Variants in FGF8 observed in about 807,000 individuals in gnomAD.
The protein encoded by FGF8 is androgen-induced growth factor.
FGF8 carries 12 observed loss-of-function variants against 29.7 expected under a neutral mutation model. That is an observed-to-expected ratio of 0.40 (90% confidence interval 0.26 to 0.65). The LOEUF is 0.65. Among genes scored for constraint, FGF8 ranks in the 30% least tolerant of loss-of-function variants. The pLI is 0.37. For missense variants in FGF8, 271 were observed against 345.1 expected (o/e 0.79, Z 1.70); for synonymous variants, 157 against 144.4 (o/e 1.09, Z -0.63).
chr10:101,770,660 C>A (rs751900989), intron 5 of FGF8, 41 bp from the exon 6 acceptor site: 1 of 1,600,172 alleles, frequency 6.2e-7, no homozygotes, highest in Non-Finnish European at 8.5e-7. Context: ...CAGAGCCCCC[C>A]CAGCAGAGGC....
At position 101,770,431 on chromosome 10, in the gene FGF8, G is replaced by A; in HGVS notation, c.633C>T (p.His211=). 1 of 1,609,370 alleles carries A rather than the reference G, an allele frequency of 6.2e-7. No individual in the cohort carries two copies. Among genetic ancestry groups the A allele is most frequent in the Non-Finnish European group, 8.5e-7 (1 of 1,178,114 alleles). Residue 211 remains histidine, a synonymous_variant, in exon 6 of 6, where the codon CAC becomes CAT. Coordinates refer to ENST00000320185, the MANE Select transcript of FGF8 (RefSeq NM_033163.5). ...VHFMKRLPRG[H]HTTEQSLRFE... ...AGCGCAGGCTCTGCTCGGTGGTGTG[G>A]TGGCCCCGGGGCAGCCGCTTCATGA...
chr10:101,778,828 G>T (rs186462836), upstream of FGF8, among the ~76,000 whole-genome samples: 325 of 152,100 alleles, frequency 2.1e-3, 1 homozygote, highest in African/African-American at 7.5e-3. Flanking sequence ...CCCGCCTCCC[G>T]GCCAGCTCCC....
Position 101,775,059 on chromosome 10 carries a change from C to T in FGF8, c.156+71G>A. 1 of 1,504,110 alleles carries T rather than the reference C, an allele frequency of 6.6e-7. No individual in the cohort carries two copies. The highest frequency in any genetic ancestry group is 9.1e-7 in the Non-Finnish European group (1 of 1,104,648). 93.2% of individuals were successfully genotyped at this position (1,504,110 alleles called of 1,614,324 possible). On this transcript the variant is annotated intron_variant, in intron 3 of 5. Transcript: ENST00000320185. This position sits in a 1 kb window ranked among gnomAD's most constrained non-coding sequence, Gnocchi z 4.6. ...CCCCCAACATGCCAGCCCAGGCCAC[C>T]ATCCCCCACCCACGCAAGTCGGGCA...
chr10:101,777,609 T>C (rs917186907), upstream of FGF8, among the ~76,000 whole-genome samples: 8 of 152,204 alleles, frequency 5.3e-5, no homozygotes, highest in Admixed American at 3.9e-4. Context: ...GAAGTAGACT[T>C]CCAGAGCACA....
chr10:101,775,444 T>G lies in FGF8; in HGVS notation c.70-228A>C. The G allele has an allele frequency of 1.7e-6, 1 of 602,398 alleles. No homozygotes were observed. Among genetic ancestry groups the G allele is most frequent in the Non-Finnish European group, 3.0e-6 (1 of 338,934 alleles). The allele number at this position is 602,398 out of a possible 1,614,324, so 37.3% of individuals were successfully genotyped here. On this transcript the variant is annotated intron_variant, in intron 2 of 5. Transcript: ENST00000320185. The surrounding 1 kb of genome is among the most constrained non-coding windows in gnomAD (Gnocchi z 4.6). ...CATCCCCTGGCCGCGGCTGCCCCCT[T>G]CCTCGGCGGCTGGGTGTTCCCTATG...
intron 4 of FGF8, among the ~76,000 whole-genome samples, chr10:101,773,818 C>T (rs2065054288): frequency 6.6e-6 from 1 of 152,192 alleles, no homozygotes; most frequent in South Asian, 2.1e-4. Flanking sequence ...TCTTGAACCT[C>T]TTTTTTAACA....
chr10:101,771,781 G>A lies in FGF8; in HGVS notation c.338-212C>T, dbSNP rs936806818. On this transcript the variant is annotated intron_variant, in intron 4 of 5. Coordinates refer to ENST00000320185, the MANE Select transcript of FGF8 (RefSeq NM_033163.5). This position sits in a 1 kb window ranked among gnomAD's most constrained non-coding sequence, Gnocchi z 5.3. ...CCTGGGTTTACAGAGGGCAGTGGAC[G>A]GGATTATGGTTTTCAAACTGGGTTC... 2.6e-5 allele frequency among the ~76,000 whole-genome samples: 4 copies of A among 152,208 alleles called. No individual in the cohort carries two copies. Among genetic ancestry groups the A allele is most frequent in the Admixed American group, 2.0e-4 (3 of 15,290 alleles).
At chr10:101,773,250 C>T (rs1032930159) in intron 4 of FGF8, among the ~76,000 whole-genome samples, 5 of 152,200 alleles carry the variant, frequency 3.3e-5, no homozygotes, top group African/African-American at 1.2e-4. Context: ...CCCACACCAG[C>T]TTGACTTCTG....
At position 101,775,074 on chromosome 10, in the gene FGF8, C is replaced by T; in HGVS notation, c.156+56G>A. On this transcript the variant is annotated intron_variant, in intron 3 of 5. Coordinates refer to ENST00000320185, the MANE Select transcript of FGF8 (RefSeq NM_033163.5). This position sits in a 1 kb window ranked among gnomAD's most constrained non-coding sequence, Gnocchi z 4.6. The stretch of plus-strand genomic sequence containing the variant: ...CCCAGGCCACCATCCCCCACCCACG[C>T]AAGTCGGGCAGACCCAGCCCAGGAT... 1 of 1,518,998 alleles carries T rather than the reference C, an allele frequency of 6.6e-7. No homozygotes were observed. Among genetic ancestry groups the T allele is most frequent in the Non-Finnish European group, 8.9e-7 (1 of 1,119,266 alleles). 94.1% of individuals were successfully genotyped at this position (1,518,998 alleles called of 1,614,324 possible).
rs3218237 is a variant in FGF8, at chr10:101,771,061, C to T, written c.444+402G>A. Among the ~76,000 whole-genome samples the T allele has an allele frequency of 3.9e-5, 6 of 152,056 alleles. No individual in the cohort carries two copies. The highest frequency in any genetic ancestry group is 1.3e-4 in the Admixed American group (2 of 15,280). On this transcript the variant is annotated intron_variant, in intron 5 of 5. Transcript: ENST00000320185. The surrounding 1 kb of genome is among the most constrained non-coding windows in gnomAD (Gnocchi z 5.3). ...CCAGAAGCCCAGGAAGTGGGGAGCT[C>T]GAGGCTGGAGAGGAGCCGTGACTAA...
Position 101,771,586 on chromosome 10 carries a change from C to G in FGF8, c.338-17G>C, listed in dbSNP as rs1251619338. On this transcript the variant is annotated splice_polypyrimidine_tract_variant and intron_variant, in intron 4 of 5. Transcript: ENST00000320185. The surrounding 1 kb of genome is among the most constrained non-coding windows in gnomAD (Gnocchi z 5.3). ...TGAGCTTTGCTGTCAGAGAAGGTAG[C>G]AGGATGGCTATTGGCAGATCCCTGA... 6.2e-7 allele frequency: 1 copy of G among 1,604,336 alleles called. No homozygotes were observed. Among genetic ancestry groups the G allele is most frequent in the Non-Finnish European group, 8.5e-7 (1 of 1,171,364 alleles).
In FGF8 at chr10:101,774,701, C is replaced by A. The variant is rs749243712; in HGVS notation, c.337+31G>T. 5.0e-6 allele frequency: 8 copies of A among 1,589,620 alleles called. No individual in the cohort carries two copies. In the African/African-American group the frequency reaches 9.4e-5, roughly 19 times the overall value. On this transcript the variant is annotated intron_variant, in intron 4 of 5. Coordinates refer to ENST00000320185, the MANE Select transcript of FGF8 (RefSeq NM_033163.5). ...TGGGACTGGTGGTCCAGGCGCCGCG[C>A]ATCCCACAAGCTACCTTCAGCGCGC...
chr10:101,776,194 C>T, upstream of FGF8: 1 of 47,238 alleles, frequency 2.1e-5, no homozygotes, highest in African/African-American at 8.3e-5. Flanking sequence ...GGGGTGGGGG[C>T]GGGGGGCGCC....
chr10:101,778,441 C>A (rs1254595714), upstream of FGF8, among the ~76,000 whole-genome samples: 1 of 152,218 alleles, frequency 6.6e-6, no homozygotes, highest in Non-Finnish European at 1.5e-5. Context: ...AGCTGTGGAA[C>A]CCCCAGAAGA....
upstream of FGF8, among the ~76,000 whole-genome samples, chr10:101,780,117 T>C (rs2065130933): frequency 6.6e-6 from 1 of 152,178 alleles, no homozygotes; most frequent in Non-Finnish European, 1.5e-5. Flanking sequence ...GCGAGACCCA[T>C]GGTTCCCAGC....
chr10:101,775,688 C>G lies in FGF8; in HGVS notation c.69+52G>C. On this transcript the variant is annotated intron_variant, in intron 2 of 5. Transcript: ENST00000320185. The surrounding 1 kb of genome is among the most constrained non-coding windows in gnomAD (Gnocchi z 4.6). ...GGTGCCCCCGACCGGCGCTGCCCACCCGGGTCTCACACCGGCGCGCCCGGC... is the reference window on the plus strand; with the variant it reads ...GGTGCCCCCGACCGGCGCTGCCCACGCGGGTCTCACACCGGCGCGCCCGGC... The G allele has an allele frequency of 5.9e-6, 9 of 1,535,370 alleles. No individual in the cohort carries two copies. Among genetic ancestry groups the G allele is most frequent in the Non-Finnish European group, 7.9e-6 (9 of 1,141,822 alleles).
At position 101,775,172 on chromosome 10, in the gene FGF8, G is replaced by A; in HGVS notation, c.114C>T (p.Ser38=). ...GGGGCTCCCGGCCAGCCCGGAACAGGGAAGCGAGCTCCCTGCCCAGCGCAG... is the reference window on the plus strand; with the variant it reads ...GGGGCTCCCGGCCAGCCCGGAACAGAGAAGCGAGCTCCCTGCCCAGCGCAG... ...RGPALGRELA[S]LFRAGREPQG... The change falls in exon 3 of 6, where the codon TCC becomes TCT. Residue 38 remains serine, a synonymous_variant. Coordinates refer to ENST00000320185, the MANE Select transcript of FGF8 (RefSeq NM_033163.5). The surrounding 1 kb of genome is among the most constrained non-coding windows in gnomAD (Gnocchi z 4.6). 1.3e-6 allele frequency: 2 copies of A among 1,546,910 alleles called. No individual in the cohort carries two copies. The highest frequency in any genetic ancestry group is 2.3e-4 in the Middle Eastern group (1 of 4,434).
Position 101,771,562 on chromosome 10 carries a change from G to T in FGF8, c.345C>A (p.Leu115=). 6.2e-7 allele frequency: 1 copy of T among 1,613,966 alleles called. No homozygotes were observed. Residue 115 remains leucine, a synonymous_variant, in exon 5 of 6, where the codon CTC becomes CTA. Transcript: ENST00000320185. The surrounding 1 kb of genome is among the most constrained non-coding windows in gnomAD (Gnocchi z 5.3). ...TTCCAAAGGTGTCCGTCTCCACGAT[G>T]AGCTTTGCTGTCAGAGAAGGTAGCA... ...MAEDGDPFAK[L]IVETDTFGSR...
In FGF8 at chr10:101,775,228, G is replaced by A. The variant is rs952053282; in HGVS notation, c.70-12C>T. On this transcript the variant is annotated splice_polypyrimidine_tract_variant and intron_variant, in intron 2 of 5. Coordinates refer to ENST00000320185, the MANE Select transcript of FGF8 (RefSeq NM_033163.5). This position sits in a 1 kb window ranked among gnomAD's most constrained non-coding sequence, Gnocchi z 4.6. ...CTGCCCGGGCCTTCCTAGAGGAGCA[G>A]GGCGCTTTTAAGTAGGGAGGCAGCC... 6.5e-7 allele frequency: 1 copy of A among 1,543,062 alleles called. No individual in the cohort carries two copies.
Sources: allele counts gnomAD v4.1 joint callset (sites outside exome capture counted in the v4.1 genomes callset), GRCh38; gene constraint gnomAD v4.1.1; non-coding constraint Gnocchi (gnomAD v3.1); transcripts MANE v1.5; gene names NCBI Gene and HGNC (gene_info 2026-07-23, HGNC 2026-07-21).